ACBD6: variants seen among roughly 807,000 people sequenced by gnomAD.
ACBD6 encodes acyl-CoA-binding domain-containing protein 6.
ACBD6 carries 28 observed loss-of-function variants against 37.2 expected under a neutral mutation model. The ratio of observed to expected loss-of-function variants is 0.75; its 90% CI spans 0.56 to 1.03. ACBD6 has a LOEUF of 1.03. ACBD6 is among the 50% of genes least tolerant of loss of function. ACBD6 has a pLI of 0.00. For missense variants in ACBD6, 340 were observed against 337.4 expected (o/e 1.01, Z -0.06); for synonymous variants, 113 against 126.8 (o/e 0.89, Z 0.73).
chr1:180,350,710 T>C (rs1163974495), intron 6 of ACBD6, among the ~76,000 whole-genome samples: 1 of 152,176 alleles, frequency 6.6e-6, no homozygotes, highest in East Asian at 1.9e-4. Context: ...GCCTTTACAG[T>C]ACAAGATAGG....
intron 4 of ACBD6, among the ~76,000 whole-genome samples, chr1:180,427,930 AAAAACC>A (rs1438074769): frequency 2.0e-5 from 3 of 151,660 alleles, no homozygotes; most frequent in Non-Finnish European, 4.4e-5. Flanking sequence ...AAAAAAAAAA[AAAAACC>A]AAAAACCAAA....
At chr1:180,486,893 T>C (rs764528985) in intron 3 of ACBD6, among the ~76,000 whole-genome samples, 1 of 152,172 alleles carries the variant, frequency 6.6e-6, no homozygotes, top group South Asian at 2.1e-4. Flanking sequence ...GACAAAATTG[T>C]GTGGTATTCT....
rs1163067591 is a variant in ACBD6, at chr1:180,380,264, CA to C, written c.663+17251del. Among the ~76,000 whole-genome samples the C allele has an allele frequency of 4.8e-5, 6 of 125,684 alleles. No homozygotes were observed. The South Asian group carries it at 1.3e-3, about 26-fold the overall frequency. 82.5% of individuals were successfully genotyped at this position (125,684 alleles called of 152,430 possible). On this transcript the variant is annotated intron_variant, in intron 6 of 7. Transcript: ENST00000367595. Reference sequence around the variant, plus strand: ...ATCATGTGGCAAAAACAAACAAAAACAAAAACAAAACAAAACAAACAAACAA... The same window carrying C: ...ATCATGTGGCAAAAACAAACAAAAACAAAACAAAACAAAACAAACAAACAA...
intron 6 of ACBD6, among the ~76,000 whole-genome samples, chr1:180,347,555 C>A (rs1017130824): frequency 6.6e-6 from 1 of 151,926 alleles, no homozygotes; most frequent in Non-Finnish European, 1.5e-5. Flanking sequence ...CAGGGTTTCA[C>A]CATGTTGGCC....
chr1:180,405,026 G>A (rs946691684), intron 5 of ACBD6, among the ~76,000 whole-genome samples: 1 of 152,178 alleles, frequency 6.6e-6, no homozygotes. Context: ...TCAGTCATTA[G>A]TGTGAATAAA....
intron 6 of ACBD6, among the ~76,000 whole-genome samples, chr1:180,368,014 A>T (rs577798962): frequency 3.3e-4 from 50 of 152,300 alleles, no homozygotes; most frequent in African/African-American, 1.0e-3. Flanking sequence ...ACCAACAGTG[A>T]ATACATGTTC....
intron 3 of ACBD6, among the ~76,000 whole-genome samples, chr1:180,488,240 C>CA (rs534077355): frequency 1.3e-5 from 2 of 150,512 alleles, no homozygotes; most frequent in Admixed American, 6.6e-5. Flanking sequence ...AAAAACAAAA[C>CA]AAAAAAAAAC....
In ACBD6 at chr1:180,407,962, T is replaced by A. The variant is rs532826502; in HGVS notation, c.573+5404A>T. Reference sequence around the variant, plus strand: ...TTATTGATTTGTTATATTATCATCATCCTTCACTCATACTATTAATAATAA... The same window carrying A: ...TTATTGATTTGTTATATTATCATCAACCTTCACTCATACTATTAATAATAA... On this transcript the variant is annotated intron_variant, in intron 5 of 7. Coordinates refer to ENST00000367595, the MANE Select transcript of ACBD6 (RefSeq NM_032360.4). 1.4e-4 allele frequency among the ~76,000 whole-genome samples: 22 copies of A among 152,344 alleles called. 1 individual carries two copies. The South Asian group carries it at 3.7e-3, about 26-fold the overall frequency.
At chr1:180,419,613 AACT>A (rs1291396884) in intron 4 of ACBD6, among the ~76,000 whole-genome samples, 1 of 152,234 alleles carries the variant, frequency 6.6e-6, no homozygotes, top group Non-Finnish European at 1.5e-5. Context: ...CCAAAAACTT[AACT>A]ACTAGTAGGC....
intron 3 of ACBD6, among the ~76,000 whole-genome samples, chr1:180,490,698 A>G (rs1651459603): frequency 6.6e-6 from 1 of 151,518 alleles, no homozygotes; most frequent in Non-Finnish European, 1.5e-5. Flanking sequence ...AGGCAGGAGA[A>G]TGGCGGGAAC....
intron 7 of ACBD6, among the ~76,000 whole-genome samples, chr1:180,291,295 A>G (rs1051123182): frequency 6.6e-6 from 1 of 152,216 alleles, no homozygotes; most frequent in African/African-American, 2.4e-5. Context: ...TTAACTTTCC[A>G]GGAAACTACC....
intron 6 of ACBD6, among the ~76,000 whole-genome samples, chr1:180,396,133 G>A (rs1176647479): frequency 6.6e-6 from 1 of 152,144 alleles, no homozygotes; most frequent in African/African-American, 2.4e-5. Flanking sequence ...GTAGTTGCCA[G>A]GGGCTGAGGG....
chr1:180,312,751 TA>T (rs1486553457), intron 7 of ACBD6, among the ~76,000 whole-genome samples: 1 of 152,208 alleles, frequency 6.6e-6, no homozygotes, highest in Non-Finnish European at 1.5e-5. Context: ...TAAAAATAAT[TA>T]ACTAACATTT....
At chr1:180,446,844 C>T (rs1260985151) in intron 3 of ACBD6, among the ~76,000 whole-genome samples, 1 of 152,100 alleles carries the variant, frequency 6.6e-6, no homozygotes, top group Non-Finnish European at 1.5e-5. Context: ...AGTTTGAGAC[C>T]AGCCTGGCCA....
chr1:180,489,322 C>T (rs917878722), intron 3 of ACBD6, among the ~76,000 whole-genome samples: 3 of 150,262 alleles, frequency 2.0e-5, no homozygotes, highest in Admixed American at 2.0e-4. Flanking sequence ...TGCCTCCTAA[C>T]AGTTTAAAAG....
At chr1:180,293,697 C>A (rs1384481011) in intron 7 of ACBD6, among the ~76,000 whole-genome samples, 3 of 152,122 alleles carry the variant, frequency 2.0e-5, no homozygotes, top group Non-Finnish European at 4.4e-5. Flanking sequence ...CAAATTCAAT[C>A]TCTTTTATAA....
rs114429419 is a variant in ACBD6, at chr1:180,361,540, T to C, written c.663+35976A>G. On this transcript the variant is annotated intron_variant, in intron 6 of 7. Transcript: ENST00000367595. ...TGATTAGTAATTCTATAAGTGATGCTTCTCTGTTGAGCTTCTTGAATAATT... is the reference window on the plus strand; with the variant it reads ...TGATTAGTAATTCTATAAGTGATGCCTCTCTGTTGAGCTTCTTGAATAATT... Among the ~76,000 whole-genome samples the C allele has an allele frequency of 9.7e-3, 1,475 of 152,326 alleles. 32 individuals carry two copies. The highest frequency in any genetic ancestry group is 0.034 in the African/African-American group (1,425 of 41,578).
At chr1:180,418,049 T>TG (rs1648171354) in intron 4 of ACBD6, among the ~76,000 whole-genome samples, 3 of 151,850 alleles carry the variant, frequency 2.0e-5, no homozygotes, top group Non-Finnish European at 4.4e-5. Flanking sequence ...AGTCTAATGT[T>TG]CTTTTTAATA....
intron 6 of ACBD6, among the ~76,000 whole-genome samples, chr1:180,369,605 T>G (rs1653180075): frequency 6.6e-6 from 1 of 152,178 alleles, no homozygotes; most frequent in East Asian, 1.9e-4. Flanking sequence ...TTCAACTTAC[T>G]CAGTTTTTAA....
Sources: allele counts gnomAD v4.1 joint callset (sites outside exome capture counted in the v4.1 genomes callset), GRCh38; gene constraint gnomAD v4.1.1; transcripts MANE v1.5; gene names NCBI Gene and HGNC (gene_info 2026-07-23, HGNC 2026-07-21).